The following KDM5A variants were observed in gnomAD, a reference collection of about 807,000 sequenced individuals.
KDM5A encodes lysine demethylase 5A, also known as lysine-specific demethylase 5A.
KDM5A carries 42 observed loss-of-function variants against 193.5 expected under a neutral mutation model. The observed-to-expected ratio is 0.22, with a 90% confidence interval of 0.17 to 0.28. The LOEUF is 0.28. KDM5A is among the 10% of genes least tolerant of loss of function. The pLI is 1.00. For synonymous variants in KDM5A, 796 were observed against 718.1 expected (o/e 1.11, Z -1.73); for missense variants, 1,692 against 2,055.1 (o/e 0.82, Z 3.42).
rs187320119 is a variant in KDM5A, at chr12:284,241, T to C, written c.*1215A>G. 4.5e-6 allele frequency: 1 copy of C among 224,224 alleles called. No homozygotes were observed. Among genetic ancestry groups the C allele is most frequent in the East Asian group, 6.5e-5 (1 of 15,410 alleles). The allele number at this position is 224,224 out of a possible 1,614,324, so 13.9% of individuals were successfully genotyped here. On this transcript the variant is annotated 3_prime_UTR_variant, in exon 28 of 28. Coordinates refer to ENST00000399788, the MANE Select transcript of KDM5A (RefSeq NM_001042603.3). ...AAATATATATATTTATATATTCATA[T>C]ATGTATATTAAAAAAGGAAAAATAA...
intron 3 of KDM5A, among the ~76,000 whole-genome samples, chr12:378,615 T>C (rs1423704310): frequency 6.6e-6 from 1 of 152,200 alleles, no homozygotes; most frequent in East Asian, 1.9e-4. Flanking sequence ...TAAAAATGTT[T>C]TAACAAGAAG....
intron 10 of KDM5A, among the ~76,000 whole-genome samples, chr12:346,155 T>C (rs1591923905): frequency 6.6e-6 from 1 of 152,200 alleles, no homozygotes; most frequent in East Asian, 1.9e-4. Flanking sequence ...ACAAATAAAC[T>C]AGAAAATCTA....
At chr12:337,108 T>C (rs1339111746) in intron 10 of KDM5A, among the ~76,000 whole-genome samples, 1 of 152,166 alleles carries the variant, frequency 6.6e-6, no homozygotes. Context: ...TCTGGTTGTT[T>C]AAAAGTGTGG....
At chr12:366,584 CA>C (rs1944359292) in intron 3 of KDM5A, among the ~76,000 whole-genome samples, 1 of 152,004 alleles carries the variant, frequency 6.6e-6, no homozygotes, top group Non-Finnish European at 1.5e-5. Context: ...TTGTGAAAAA[CA>C]GGCTATAATT....
chr12:288,110 T>C (rs1943243592), intron 27 of KDM5A, among the ~76,000 whole-genome samples: 2 of 152,216 alleles, frequency 1.3e-5, no homozygotes, highest in Non-Finnish European at 2.9e-5. Context: ...ATCTTTTTTA[T>C]CATGTTCATC....
At chr12:361,473 C>T (rs1481653687) in intron 5 of KDM5A, among the ~76,000 whole-genome samples, 4 of 152,062 alleles carry the variant, frequency 2.6e-5, no homozygotes, top group African/African-American at 4.8e-5. Context: ...GGATTACAGG[C>T]GTGAGCCACC....
At chr12:289,446 T>G (rs1943260635) in intron 27 of KDM5A, among the ~76,000 whole-genome samples, 1 of 152,130 alleles carries the variant, frequency 6.6e-6, no homozygotes, top group African/African-American at 2.4e-5. Flanking sequence ...TTTCAAAATC[T>G]TTTACATTAT....
At chr12:383,276 G>A (rs1014297560) in intron 3 of KDM5A, among the ~76,000 whole-genome samples, 7 of 151,592 alleles carry the variant, frequency 4.6e-5, no homozygotes, top group African/African-American at 1.5e-4. Flanking sequence ...GTGCAGTGGC[G>A]CAATCACAGC....
chr12:355,284 C>A (rs770026533), intron 6 of KDM5A, 35 bp from the exon 7 acceptor site: 1 of 1,212,926 alleles, frequency 8.2e-7, no homozygotes, highest in Non-Finnish European at 1.2e-6. Flanking sequence ...ATAGTAAAAA[C>A]CAATGTTGAG....
At chr12:373,077 G>A (rs1345809667) in intron 3 of KDM5A, among the ~76,000 whole-genome samples, 1 of 152,142 alleles carries the variant, frequency 6.6e-6, no homozygotes, top group African/African-American at 2.4e-5. Flanking sequence ...TCTCTGCCAG[G>A]CTTTGGTATC....
chr12:336,123 T>A (rs1454831774), intron 10 of KDM5A, among the ~76,000 whole-genome samples: 1 of 137,128 alleles, frequency 7.3e-6, no homozygotes, highest in African/African-American at 2.8e-5. Flanking sequence ...CTTTGGGAGG[T>A]CATGGCAGGC....
intron 27 of KDM5A, among the ~76,000 whole-genome samples, chr12:291,585 T>C (rs138988282): frequency 4.3e-4 from 65 of 152,296 alleles, no homozygotes; most frequent in African/African-American, 1.4e-3. Context: ...GTTTAAGTAT[T>C]TCATTGAAAA....
chr12:381,511 T>C (rs1052188106), intron 3 of KDM5A, among the ~76,000 whole-genome samples: 10 of 152,226 alleles, frequency 6.6e-5, no homozygotes, highest in African/African-American at 2.4e-4. Flanking sequence ...TAAGTTTTGA[T>C]TGAATAAAAA....
rs1591947542 is a variant in KDM5A at position 389,048 on chromosome 12, G to A, written c.44C>T (p.Pro15Leu). The A allele has an allele frequency of 6.2e-7, 1 of 1,613,428 alleles. No individual in the cohort carries two copies. The highest frequency in any genetic ancestry group is 1.1e-5 in the South Asian group (1 of 91,052). Residue 15 changes from proline to leucine, a missense_variant, in exon 1 of 28, where the codon CCA becomes CTA. Pro to Leu is a moderately conservative substitution (Grantham distance 98). Coordinates refer to ENST00000399788, the MANE Select transcript of KDM5A (RefSeq NM_001042603.3). ...GPGGYAAEFV[P>L]PPECPVFEPS... ...CTCAAAGACGGGGCACTCTGGCGGT[G>A]GCACGAACTCCGCCGCGTAGCCCCC...
At chr12:342,356 A>C (rs1034944663) in intron 10 of KDM5A, among the ~76,000 whole-genome samples, 2 of 152,242 alleles carry the variant, frequency 1.3e-5, no homozygotes, top group Non-Finnish European at 2.9e-5. Context: ...GTCATCTCCT[A>C]CGTGATAGAA....
In KDM5A at chr12:350,798, G is replaced by A. The variant is rs1944147804; in HGVS notation, c.1150-19C>T. 1 of 1,609,632 alleles carries A rather than the reference G, an allele frequency of 6.2e-7. No homozygotes were observed. Among genetic ancestry groups the A allele is most frequent in the Non-Finnish European group, 8.5e-7 (1 of 1,176,138 alleles). On this transcript the variant is annotated intron_variant, in intron 9 of 27. Transcript: ENST00000399788. ...GAACCATCTACACAGGGAAAAAAAA[G>A]ATGACAAATTATTAAACCACTATAA...
chr12:313,415 T>G (rs533676053), intron 19 of KDM5A, among the ~76,000 whole-genome samples: 4 of 152,122 alleles, frequency 2.6e-5, no homozygotes, highest in African/African-American at 7.2e-5. Flanking sequence ...AAATAAAATA[T>G]AAATTTTTAT....
chr12:327,297 C>T (rs1269110659), intron 14 of KDM5A, among the ~76,000 whole-genome samples: 8 of 152,104 alleles, frequency 5.3e-5, no homozygotes, highest in Admixed American at 4.6e-4. Flanking sequence ...AGCACAAAAT[C>T]GTATTTCATG....
chr12:322,597 C>T (rs1943731865), intron 16 of KDM5A, 30 bp from the exon 17 acceptor site: 2 of 1,592,666 alleles, frequency 1.3e-6, no homozygotes, highest in African/African-American at 2.7e-5. Flanking sequence ...GAGCCATATA[C>T]AATAACCATA....
Sources: gnomAD v4.1 joint callset for allele counts (sites outside exome capture counted in the v4.1 genomes callset) on GRCh38, gnomAD v4.1.1 for gene constraint, MANE v1.5 for transcripts, NCBI Gene and HGNC (gene_info 2026-07-23, HGNC 2026-07-21) for gene names.